RANBP2: variants seen among roughly 807,000 people sequenced by gnomAD.
The protein encoded by RANBP2 is RAN binding protein 2, also known as E3 SUMO-protein ligase RanBP2.
A neutral mutation model predicts 303.6 loss-of-function variants in RANBP2; 57 were observed. The ratio of observed to expected loss-of-function variants is 0.19; its 90% CI spans 0.15 to 0.23. The LOEUF (loss-of-function observed/expected upper bound fraction) is 0.23. Ranked by LOEUF, RANBP2 falls within the 10% of genes least tolerant of loss-of-function variation. The pLI is 1.00. For missense variants in RANBP2, 3,138 were observed against 3,780.8 expected (o/e 0.83, Z 4.46); for synonymous variants, 1,167 against 1,301.5 (o/e 0.90, Z 2.23).
rs2557901 is a variant in RANBP2 at position 108,767,219 on chromosome 2, A to G, written c.6680A>G (p.Tyr2227Cys). Residue 2227 changes from tyrosine to cysteine, a missense_variant, in exon 20 of 29, where the codon TAT becomes TGT. Physicochemically the swap from Tyr to Cys is radical, Grantham distance 194. Transcript: ENST00000283195. ...GGGCCCACATTAGAATGGGATAACT[A>G]TGATTTAAGGGAAGATGCTTTGGAT... Reference protein sequence around the residue: ...NTGPTLEWDNYDLREDALDDS... With the variant: ...NTGPTLEWDNCDLREDALDDS... 212 of 1,611,564 alleles carry G rather than the reference A, an allele frequency of 1.3e-4. 2 individuals carry two copies. The highest frequency in any genetic ancestry group is 1.3e-3 in the South Asian group (116 of 90,840).
At chr2:108,793,627 C>T in the RANBP2 span, among the ~76,000 whole-genome samples, 2 of 150,852 alleles carry the variant, frequency 1.3e-5, no homozygotes, top group South Asian at 4.2e-4. Context: ...GATGGAGTCT[C>T]GCTCTGTCGC....
chr2:109,192,184 C>T, the RANBP2 span, among the ~76,000 whole-genome samples: 171 of 152,296 alleles, frequency 1.1e-3, no homozygotes, highest in Non-Finnish European at 1.6e-3. Context: ...GGCACTAACT[C>T]GTCCACTCCA....
At chr2:108,736,584 T>C (rs10176212) in intron 6 of RANBP2, among the ~76,000 whole-genome samples, 369 of 152,376 alleles carry the variant, frequency 2.4e-3, no homozygotes, top group African/African-American at 8.3e-3. Context: ...TAGTATAATC[T>C]TGAGTGAAAA....
chr2:109,585,182 C>A, the RANBP2 span: 3 of 1,609,616 alleles, frequency 1.9e-6, no homozygotes, highest in Non-Finnish European at 2.5e-6. Context: ...TGGTCAATTT[C>A]AATTGAACAT....
chr2:109,689,009 C>T, the RANBP2 span, among the ~76,000 whole-genome samples: 4 of 151,188 alleles, frequency 2.6e-5, no homozygotes, highest in Admixed American at 6.6e-5. Flanking sequence ...TGGGTTTAAG[C>T]GACTCTCCTG....
At chr2:109,508,028 C>T in the RANBP2 span, among the ~76,000 whole-genome samples, 2 of 152,164 alleles carry the variant, frequency 1.3e-5, no homozygotes, top group African/African-American at 4.8e-5. Flanking sequence ...GCTCACATGA[C>T]GTTTGTGGGT....
the RANBP2 span, among the ~76,000 whole-genome samples, chr2:108,794,981 T>C: frequency 6.6e-6 from 1 of 151,636 alleles, no homozygotes; most frequent in East Asian, 2.0e-4. Flanking sequence ...TTCCATCCCA[T>C]CCTTACTTAA....
the RANBP2 span, among the ~76,000 whole-genome samples, chr2:109,652,016 C>A: frequency 6.6e-6 from 1 of 152,202 alleles, no homozygotes; most frequent in African/African-American, 2.4e-5. Context: ...GTGACAGGGG[C>A]CAATGCTTCC....
At chr2:109,376,319 A>C in the RANBP2 span, among the ~76,000 whole-genome samples, 1 of 152,336 alleles carries the variant, frequency 6.6e-6, no homozygotes, top group Admixed American at 6.5e-5. Flanking sequence ...TAGGAGAGGC[A>C]GCCCTCTTGG....
the RANBP2 span, among the ~76,000 whole-genome samples, chr2:109,022,459 A>G: frequency 6.6e-6 from 1 of 152,364 alleles, no homozygotes; most frequent in East Asian, 1.9e-4. Context: ...GATGGTGGAC[A>G]GTTCCCTTTT....
chr2:108,988,697 A>G, the RANBP2 span, among the ~76,000 whole-genome samples: 4 of 152,200 alleles, frequency 2.6e-5, no homozygotes, highest in African/African-American at 9.7e-5. Context: ...AAGCCTGTGA[A>G]GCACACACAG....
At chr2:109,388,261 T>C in the RANBP2 span, among the ~76,000 whole-genome samples, 4 of 152,216 alleles carry the variant, frequency 2.6e-5, no homozygotes, top group African/African-American at 9.7e-5. Flanking sequence ...CTTTCTCTAG[T>C]AGCACTTTCA....
At chr2:108,774,736 C>T (rs1896457) in intron 23 of RANBP2, among the ~76,000 whole-genome samples, 1,869 of 145,262 alleles carry the variant, frequency 0.013, 49 homozygotes, top group African/African-American at 0.046. Context: ...GAGACAGTCT[C>T]GCTCTGTCTC....
the RANBP2 span, among the ~76,000 whole-genome samples, chr2:108,864,580 G>A: frequency 6.6e-6 from 1 of 152,018 alleles, no homozygotes; most frequent in Non-Finnish European, 1.5e-5. Flanking sequence ...GGCAGATCAC[G>A]AGGTTAGGAG....
At chr2:109,697,260 T>G in the RANBP2 span, among the ~76,000 whole-genome samples, 2 of 152,084 alleles carry the variant, frequency 1.3e-5, no homozygotes, top group Admixed American at 1.3e-4. Context: ...GAGGCCGAGG[T>G]GGGCAGATCA....
chr2:109,204,539 A>G, the RANBP2 span, among the ~76,000 whole-genome samples: 3 of 152,138 alleles, frequency 2.0e-5, no homozygotes, highest in African/African-American at 4.8e-5. Context: ...TTTGTGTGCA[A>G]TGTACAATGT....
chr2:109,735,754 AC>A, the RANBP2 span, among the ~76,000 whole-genome samples: 1 of 152,200 alleles, frequency 6.6e-6, no homozygotes, highest in Non-Finnish European at 1.5e-5. Flanking sequence ...AACTCAAGCC[AC>A]AAACTTATAG....
the RANBP2 span, among the ~76,000 whole-genome samples, chr2:108,925,058 C>T: frequency 8.5e-4 from 130 of 152,282 alleles, no homozygotes; most frequent in African/African-American, 2.3e-3. Flanking sequence ...TCTACCTCCA[C>T]GCATTCTCTC....
chr2:108,771,448 A>C (rs560838628), intron 20 of RANBP2, among the ~76,000 whole-genome samples: 1 of 152,276 alleles, frequency 6.6e-6, no homozygotes, highest in South Asian at 2.1e-4. Flanking sequence ...CTATTAAGTA[A>C]ACACAAATTT....
Sources: gnomAD v4.1 joint callset for allele counts (sites outside exome capture counted in the v4.1 genomes callset) on GRCh38, gnomAD v4.1.1 for gene constraint, MANE v1.5 for transcripts, NCBI Gene and HGNC (gene_info 2026-07-23, HGNC 2026-07-21) for gene names.